UMAD1: variants seen among roughly 807,000 people sequenced by gnomAD.
UMAD1 encodes the protein UBAP1-MVB12-associated (UMA) domain containing 1, also known as UBAP1-MVB12-associated (UMA)-domain containing protein 1.
UMAD1 carries 8 observed loss-of-function variants against 6.1 expected under a neutral mutation model. The observed-to-expected ratio is 1.30, with a 90% CI of 0.76 to 2.35. The LOEUF (loss-of-function observed/expected upper bound fraction) is 2.35. Ranked by LOEUF, UMAD1 falls within the 30% of genes most tolerant of loss-of-function variation. The pLI, the probability that UMAD1 is intolerant of heterozygous loss-of-function variation, is 0.00. For synonymous variants in UMAD1, 56 were observed against 31.4 expected (o/e 1.78, Z -2.61); for missense variants, 130 against 78.4 (o/e 1.66, Z -2.49).
At chr7:7,668,003 G>C (rs28916009) in intron 1 of UMAD1, among the ~76,000 whole-genome samples, 5 of 151,828 alleles carry the variant, frequency 3.3e-5, no homozygotes, top group Non-Finnish European at 7.4e-5. Flanking sequence ...TTTCACCCCC[G>C]CCTTCTGGGC....
intron 2 of UMAD1, among the ~76,000 whole-genome samples, chr7:7,743,332 CAATT>C (rs1293190826): frequency 6.6e-6 from 1 of 152,006 alleles, no homozygotes; most frequent in Non-Finnish European, 1.5e-5. Flanking sequence ...TTGTAACAGT[CAATT>C]AATTTCCTCA....
intron 3 of UMAD1, among the ~76,000 whole-genome samples, chr7:7,832,982 G>C (rs1417365697): frequency 6.6e-6 from 1 of 152,148 alleles, no homozygotes; most frequent in African/African-American, 2.4e-5. Context: ...CAGAGGATTG[G>C]ATCTACTAGA....
chr7:7,726,444 G>T (rs1257234469), intron 2 of UMAD1, among the ~76,000 whole-genome samples: 1 of 152,202 alleles, frequency 6.6e-6, no homozygotes, highest in Non-Finnish European at 1.5e-5. Context: ...CCTTTTGAAG[G>T]CATAATTACA....
At chr7:7,838,811 A>C (rs1473732120) in intron 3 of UMAD1, among the ~76,000 whole-genome samples, 4 of 152,264 alleles carry the variant, frequency 2.6e-5, no homozygotes, top group African/African-American at 9.6e-5. Context: ...ATCTTAACAT[A>C]GTTTTAAGAG....
intron 3 of UMAD1, among the ~76,000 whole-genome samples, chr7:7,871,166 T>C (rs1031680226): frequency 6.6e-6 from 1 of 152,234 alleles, no homozygotes; most frequent in Non-Finnish European, 1.5e-5. Context: ...CTTCAGCCTG[T>C]CTGTAAGATC....
At chr7:7,843,567 G>A (rs1783726897) in intron 3 of UMAD1, among the ~76,000 whole-genome samples, 1 of 152,100 alleles carries the variant, frequency 6.6e-6, no homozygotes, top group Non-Finnish European at 1.5e-5. Flanking sequence ...ACTACCTATA[G>A]TTGTCTTATT....
Position 7,803,624 on chromosome 7 carries a change from G to C in UMAD1, c.156+1881G>C, listed in dbSNP as rs575514377. 7.9e-5 allele frequency among the ~76,000 whole-genome samples: 12 copies of C among 152,112 alleles called. No individual in the cohort carries two copies. The East Asian group carries it at 1.2e-3, about 15-fold the overall frequency. ...TAAATTGGATACCTTATGAACAACAGAAATTTATTTCTTTAGTTCTGGAGG... is the reference window on the plus strand; with the variant it reads ...TAAATTGGATACCTTATGAACAACACAAATTTATTTCTTTAGTTCTGGAGG... On this transcript the variant is annotated intron_variant, in intron 3 of 3. Transcript: ENST00000682710.
intron 2 of UMAD1, among the ~76,000 whole-genome samples, chr7:7,699,049 TGGGG>T (rs63713363): frequency 3.5e-5 from 5 of 143,610 alleles, no homozygotes; most frequent in African/African-American, 1.3e-4. Context: ...TGTGTGTGTG[TGGGG>T]GGGGGGTAGA....
chr7:7,740,193 T>C (rs998905831), intron 2 of UMAD1, among the ~76,000 whole-genome samples: 2 of 152,238 alleles, frequency 1.3e-5, no homozygotes, highest in African/African-American at 4.8e-5. Context: ...CTTTCTCTTT[T>C]AACCAAAATC....
chr7:7,767,064 G>T (rs1216827805), intron 2 of UMAD1, among the ~76,000 whole-genome samples: 11 of 151,102 alleles, frequency 7.3e-5, no homozygotes, highest in Non-Finnish European at 1.6e-4. Context: ...TGGCATGAGT[G>T]TATTGCTTCA....
chr7:7,641,803 A>G (rs546595735), intron 1 of UMAD1: 1 of 152,244 alleles, frequency 6.6e-6, no homozygotes, highest in Non-Finnish European at 1.5e-5. Context: ...GTCATCGTTC[A>G]AATTCCCTTA....
chr7:7,824,378 C>G (rs944734036), intron 3 of UMAD1, among the ~76,000 whole-genome samples: 1 of 152,164 alleles, frequency 6.6e-6, no homozygotes, highest in African/African-American at 2.4e-5. Flanking sequence ...ACAGCAATAA[C>G]AAATATTTGT....
intron 2 of UMAD1, among the ~76,000 whole-genome samples, chr7:7,790,184 C>T (rs1782542414): frequency 6.6e-6 from 1 of 152,120 alleles, no homozygotes; most frequent in Non-Finnish European, 1.5e-5. Context: ...ATTCTTAGGC[C>T]TTTCACCAGA....
intron 1 of UMAD1, among the ~76,000 whole-genome samples, chr7:7,666,083 G>C (rs1333644458): frequency 6.6e-6 from 1 of 152,142 alleles, no homozygotes; most frequent in Non-Finnish European, 1.5e-5. Flanking sequence ...CTGCCAAACT[G>C]TTGTCCACAG....
intron 2 of UMAD1, among the ~76,000 whole-genome samples, chr7:7,739,872 A>AT: frequency 6.6e-6 from 1 of 152,344 alleles, no homozygotes; most frequent in East Asian, 1.9e-4. Context: ...GATTCTGCTT[A>AT]TTTGTCTATA....
At chr7:7,831,931 C>T (rs1416769788) in intron 3 of UMAD1, among the ~76,000 whole-genome samples, 1 of 152,114 alleles carries the variant, frequency 6.6e-6, no homozygotes, top group Admixed American at 6.6e-5. Context: ...ATACAATTAA[C>T]CCTTTACCCT....
intron 2 of UMAD1, among the ~76,000 whole-genome samples, chr7:7,784,272 C>T (rs1782410814): frequency 6.6e-6 from 1 of 151,782 alleles, no homozygotes; most frequent in South Asian, 2.1e-4. Flanking sequence ...GAGTTTGTCC[C>T]CTTTCATGAA....
rs992764897 is a variant in UMAD1, at chr7:7,877,412, T to C, written c.288T>C (p.His96=). 5.6e-6 allele frequency: 4 copies of C among 717,710 alleles called. No homozygotes were observed. Among genetic ancestry groups the C allele is most frequent in the East Asian group, 5.4e-5 (2 of 37,294 alleles). 44.5% of individuals were successfully genotyped at this position (717,710 alleles called of 1,614,324 possible). A position where few individuals can be genotyped will look rare whatever the true frequency, so the allele number is the denominator to read the frequency against. Residue 96 remains histidine, a synonymous_variant, in exon 4 of 4, where the codon CAT becomes CAC. Transcript: ENST00000682710. ...ATGTGCCGTTCACCCTGGCCCCGCA[T>C]GTGCTGGCAGTACAGGGCACCATCA... is the stretch of plus-strand genomic sequence containing the variant. ...LSDVPFTLAP[H]VLAVQGTITD...
intron 2 of UMAD1, among the ~76,000 whole-genome samples, chr7:7,749,368 C>T (rs994457808): frequency 1.3e-5 from 2 of 152,132 alleles, no homozygotes; most frequent in African/African-American, 4.8e-5. Context: ...TTTAATAGCC[C>T]GTATTCCACG....
Sources: allele counts gnomAD v4.1 joint callset (sites outside exome capture counted in the v4.1 genomes callset), GRCh38; gene constraint gnomAD v4.1.1; transcripts MANE v1.5; gene names NCBI Gene and HGNC (gene_info 2026-07-23, HGNC 2026-07-21).